The following TGM2 variants were observed in gnomAD, a reference collection of about 807,000 sequenced individuals.
The protein encoded by TGM2 is transglutaminase 2.
TGM2 carries 53 observed loss-of-function variants against 75.6 expected under a neutral mutation model. The ratio of observed to expected loss-of-function variants is 0.70; its 90% CI spans 0.56 to 0.88. TGM2 has a LOEUF of 0.88. Among genes scored for constraint, TGM2 ranks in the 40% least tolerant of loss-of-function variants. The pLI, the probability that TGM2 is intolerant of heterozygous loss-of-function variation, is 0.00. For missense variants in TGM2, 842 were observed against 928.5 expected (o/e 0.91, Z 1.21); for synonymous variants, 374 against 381.1 (o/e 0.98, Z 0.22).
intron 1 of TGM2, among the ~76,000 whole-genome samples, chr20:38,161,814 G>A (rs1248619833): frequency 2.0e-5 from 3 of 152,148 alleles, no homozygotes; most frequent in Non-Finnish European, 2.9e-5. Flanking sequence ...ATTTAATTGA[G>A]AAAAGGTCTT....
intron 1 of TGM2, among the ~76,000 whole-genome samples, chr20:38,163,166 G>A (rs1004064567): frequency 2.0e-5 from 3 of 152,180 alleles, no homozygotes; most frequent in Non-Finnish European, 2.9e-5. Context: ...ATGGGTGGGG[G>A]TCTTGGGGGA....
At position 38,148,183 on chromosome 20, in the gene TGM2, C is replaced by G. The variant is rs954193050; in HGVS notation, c.553-94G>C. 1.3e-5 allele frequency: 20 copies of G among 1,536,008 alleles called. No homozygotes were observed. The African/African-American group carries it at 2.2e-4, about 17-fold the overall frequency. ...AAGCCTCCAGCAGCTGTTTCCCACTCTGTCCCACACAGCAGACTGGGACAC... is the reference window on the plus strand; with the variant it reads ...AAGCCTCCAGCAGCTGTTTCCCACTGTGTCCCACACAGCAGACTGGGACAC... On this transcript the variant is annotated intron_variant, in intron 4 of 12. Transcript: ENST00000361475.
Position 38,128,659 on chromosome 20 carries a change from A to C in TGM2, c.*1560T>G, listed in dbSNP as rs1303788014. 6.6e-6 allele frequency: 1 copy of C among 152,190 alleles called. No homozygotes were observed. Among genetic ancestry groups the C allele is most frequent in the Non-Finnish European group, 1.5e-5 (1 of 68,044 alleles). The allele number at this position is 152,190 out of a possible 1,614,324, so 9.4% of individuals were successfully genotyped here. On this transcript the variant is annotated 3_prime_UTR_variant, in exon 13 of 13. Transcript: ENST00000361475. The stretch of plus-strand genomic sequence containing the variant: ...AGAAAGTTCTAAATGCAACAGCATG[A>C]TTCTCTCCAAGTCCTTCCCTGGGAT...
At position 38,155,943 on chromosome 20, in the gene TGM2, C is replaced by T. The variant is rs765046496; in HGVS notation, c.337G>A (p.Gly113Ser). Residue 113 changes from glycine (G) to serine (S), a missense_variant, in exon 3 of 13, where the codon GGC (glycine) becomes AGC (serine). By Grantham distance (56) the Gly-to-Ser change is moderately conservative (BLOSUM62 0). Transcript: ENST00000361475. The stretch of plus-strand genomic sequence containing the variant: ...GCCTCCAGGCTGAGGCGATACAGGC[C>T]GATGGGGGCGTTGGCCGGGGTGGTG... ...QLTTPANAPI[G>S]LYRLSLEAST... 27 of 1,612,146 alleles carry T rather than the reference C, an allele frequency of 1.7e-5. No individual in the cohort carries two copies. Among genetic ancestry groups the T allele is most frequent in the Middle Eastern group, 1.6e-4 (1 of 6,072 alleles).
At chr20:38,152,253 A>AAGC (rs1414334432) in intron 3 of TGM2, among the ~76,000 whole-genome samples, 1 of 152,136 alleles carries the variant, frequency 6.6e-6, no homozygotes, top group African/African-American at 2.4e-5. Context: ...CCTGGGAAGG[A>AAGC]AGCAGCTGCC....
At chr20:38,130,420 G>T in intron 12 of TGM2, 51 bp from the exon 13 acceptor site, 1 of 1,543,068 alleles carries the variant, frequency 6.5e-7, no homozygotes, top group Non-Finnish European at 8.8e-7. Flanking sequence ...CCTGGCTCCC[G>T]CATGCTGGGG....
Position 38,148,019 on chromosome 20 carries a change from C to T in TGM2, c.623G>A (p.Gly208Asp). 1 of 1,612,820 alleles carries T rather than the reference C, an allele frequency of 6.2e-7. No homozygotes were observed. Among genetic ancestry groups the T allele is most frequent in the Non-Finnish European group, 8.5e-7 (1 of 1,179,622 alleles). The part of the protein sequence containing the change: ...DVNPKFLKNA[G>D]RDCSRRSSPV... Reference sequence around the variant, plus strand: ...GCTGCTGCGGCGGGAGCAGTCACGGCCGGCGTTCTTCAGGAACTTGGGGTT... The same window carrying T: ...GCTGCTGCGGCGGGAGCAGTCACGGTCGGCGTTCTTCAGGAACTTGGGGTT... Residue 208 changes from glycine (G) to aspartate (D), a missense_variant, in exon 5 of 13, where the codon GGC (glycine) becomes GAC (aspartate). Coordinates refer to ENST00000361475, the MANE Select transcript of TGM2 (RefSeq NM_004613.4).
At position 38,130,256 on chromosome 20, in the gene TGM2, A is replaced by G. The variant is rs781600731; in HGVS notation, c.2027T>C (p.Val676Ala). ...AATGATGACATTCCGGAAGCCCTTC[A>G]CAGCCTTCAGCTTGTCGCTCTCGAA... ...VNFESDKLKA[V>A]KGFRNVIIGP... Residue 676 changes from valine (V) to alanine (A), a missense_variant, in exon 13 of 13, where the codon GTG becomes GCG. Transcript: ENST00000361475. The G allele has an allele frequency of 7.6e-5, 123 of 1,613,362 alleles. No homozygotes were observed. The highest frequency in any genetic ancestry group is 9.8e-5 in the Non-Finnish European group (116 of 1,179,930).
chr20:38,161,554 C>T lies in TGM2; in HGVS notation c.56G>A (p.Arg19Gln), dbSNP rs758298437. 51 of 1,614,200 alleles carry T rather than the reference C, an allele frequency of 3.2e-5. No homozygotes were observed. The highest frequency in any genetic ancestry group is 1.8e-4 in the East Asian group (8 of 44,886). ...RCDLELETNGRDHHTADLCRE... is the reference protein window; with the variant it reads ...RCDLELETNGQDHHTADLCRE... The stretch of plus-strand genomic sequence containing the variant: ...GCACAGGTCGGCCGTGTGGTGGTCT[C>T]GGCCATTGGTCTCCAGCTCCAGATC... Residue 19 changes from arginine (R) to glutamine (Q), a missense_variant, in exon 2 of 13, where the codon CGA becomes CAA. Arg to Gln is a conservative substitution (Grantham distance 43). Coordinates refer to ENST00000361475, the MANE Select transcript of TGM2 (RefSeq NM_004613.4).
intron 4 of TGM2, among the ~76,000 whole-genome samples, chr20:38,149,474 G>A (rs1420353549): frequency 6.6e-6 from 1 of 151,988 alleles, no homozygotes; most frequent in South Asian, 2.1e-4. Flanking sequence ...TCAGGAGATC[G>A]AGACCATCCT....
intron 3 of TGM2, among the ~76,000 whole-genome samples, chr20:38,153,271 T>A (rs1372658206): frequency 1.3e-5 from 2 of 152,054 alleles, no homozygotes; most frequent in Non-Finnish European, 2.9e-5. Flanking sequence ...ACGCCTGTAA[T>A]CCTAGCACTT....
intron 5 of TGM2, 39 bp from the exon 6 acceptor site, chr20:38,146,933 TG>T (rs773232513): frequency 4.4e-6 from 7 of 1,601,706 alleles, no homozygotes; most frequent in Non-Finnish European, 5.9e-6. Flanking sequence ...GAGCCTGGGA[TG>T]GGGTGTCGGC....
chr20:38,147,860 G>T, intron 5 of TGM2, 101 bp downstream of exon 5: 3 of 1,513,586 alleles, frequency 2.0e-6, no homozygotes, highest in Non-Finnish European at 2.7e-6. Flanking sequence ...CCCATCTCCC[G>T]GGTCCCCCAC....
chr20:38,156,275 C>T (rs2075186297), intron 2 of TGM2, among the ~76,000 whole-genome samples, 186 bp from the exon 3 acceptor site: 1 of 152,276 alleles, frequency 6.6e-6, no homozygotes, highest in African/African-American at 2.4e-5. Flanking sequence ...CTCAGAACCC[C>T]AGCCTTTTAG....
upstream of TGM2, among the ~76,000 whole-genome samples, chr20:38,166,952 C>T (rs2075316106): frequency 6.6e-6 from 1 of 152,180 alleles, no homozygotes; most frequent in Non-Finnish European, 1.5e-5. Context: ...TTCAAGTTCC[C>T]ACTCTGCCCC....
At chr20:38,157,919 T>C (rs1213031303) in intron 2 of TGM2, among the ~76,000 whole-genome samples, 1 of 152,230 alleles carries the variant, frequency 6.6e-6, no homozygotes, top group Non-Finnish European at 1.5e-5. Flanking sequence ...TCGTGAGGAC[T>C]GGAGTGGAAT....
chr20:38,162,444 C>T (rs2075265894), intron 1 of TGM2, among the ~76,000 whole-genome samples: 1 of 152,022 alleles, frequency 6.6e-6, no homozygotes, highest in Non-Finnish European at 1.5e-5. Flanking sequence ...AACCAGGATG[C>T]AGTTGACAAA....
At chr20:38,166,925 C>T (rs1017360898), upstream of TGM2, among the ~76,000 whole-genome samples, 1 of 152,138 alleles carries the variant, frequency 6.6e-6, no homozygotes. Context: ...AGAGGGAAGT[C>T]GGTCAAGAGG....
At chr20:38,143,941 G>A (rs2075011179) in intron 6 of TGM2, among the ~76,000 whole-genome samples, 1 of 152,186 alleles carries the variant, frequency 6.6e-6, no homozygotes. Flanking sequence ...GAAGGAGGAA[G>A]GAACAGCTAT....
Sources: gnomAD v4.1 joint callset for allele counts (sites outside exome capture counted in the v4.1 genomes callset) on GRCh38, gnomAD v4.1.1 for gene constraint, MANE v1.5 for transcripts, NCBI Gene and HGNC (gene_info 2026-07-23, HGNC 2026-07-21) for gene names.